ENKUR: variants seen among roughly 807,000 people sequenced by gnomAD.
ENKUR encodes enkurin.
ENKUR carries 19 observed loss-of-function variants against 27.6 expected under a neutral mutation model. The observed-to-expected ratio is 0.69, with a 90% CI of 0.48 to 1.01. ENKUR has a LOEUF of 1.01. Among genes scored for constraint, ENKUR ranks in the 50% least tolerant of loss-of-function variants. The pLI is 0.00. For missense variants in ENKUR, 312 were observed against 310.5 expected, an observed-to-expected ratio of 1.00 and a Z score of -0.04; for synonymous variants, 117 against 96.9, an observed-to-expected ratio of 1.21 and a Z score of -1.22.
intron 2 of ENKUR, chr10:25,024,093 AAG>A: frequency 6.2e-7 from 1 of 1,614,196 alleles, no homozygotes; most frequent in Non-Finnish European, 8.5e-7. Context: ...CCTACGTAGA[AAG>A]AGCACAGATA....
intron 2 of ENKUR, among the ~76,000 whole-genome samples, chr10:25,041,771 A>G (rs1851066942): frequency 6.6e-6 from 1 of 151,604 alleles, no homozygotes; most frequent in African/African-American, 2.4e-5. Flanking sequence ...CATTGTTTTT[A>G]TTTGTCTGCT....
At chr10:25,048,228 C>T (rs563442854) in intron 2 of ENKUR, among the ~76,000 whole-genome samples, 41 of 151,996 alleles carry the variant, frequency 2.7e-4, no homozygotes, top group African/African-American at 9.4e-4. Flanking sequence ...AAGGGAGGAG[C>T]CGAGAGAATA....
At chr10:24,987,079 A>G (rs1456105041) in intron 4 of ENKUR, among the ~76,000 whole-genome samples, 1 of 152,194 alleles carries the variant, frequency 6.6e-6, no homozygotes. Flanking sequence ...GTTCAGCCAC[A>G]GAAGGCCCTG....
At chr10:25,061,321 C>T (rs1851325306) in exon 2 of ENKUR, 1 of 634,414 alleles carries the variant, frequency 1.6e-6, no homozygotes, top group African/African-American at 1.8e-5. Flanking sequence ...CCTCCAGCCG[C>T]CTGCTCTGTT....
intron 3 of ENKUR, among the ~76,000 whole-genome samples, chr10:24,990,934 T>C (rs1199858930): frequency 6.6e-6 from 1 of 152,156 alleles, no homozygotes; most frequent in Non-Finnish European, 1.5e-5. Context: ...ACCCCGTCTC[T>C]ACTAAAAATA....
upstream of ENKUR, among the ~76,000 whole-genome samples, chr10:25,020,421 A>G (rs1299343624): frequency 1.3e-5 from 2 of 152,168 alleles, no homozygotes; most frequent in Non-Finnish European, 2.9e-5. Context: ...TCTACTTTTA[A>G]TGAAGTTGAT....
chr10:25,024,648 A>C (rs1850804891), intron 2 of ENKUR: 1 of 1,614,202 alleles, frequency 6.2e-7, no homozygotes, highest in Non-Finnish European at 8.5e-7. Flanking sequence ...ACTGGGGCCG[A>C]CTACTTCCGC....
chr10:24,995,816 C>G lies in ENKUR; in HGVS notation c.277G>C (p.Asp93His). 1.2e-6 allele frequency: 2 copies of G among 1,613,968 alleles called. No homozygotes were observed. The highest frequency in any genetic ancestry group is 1.7e-6 in the Non-Finnish European group (2 of 1,180,000). Residue 93 changes from aspartate (D) to histidine (H), a missense_variant, in exon 3 of 6, where the codon GAT becomes CAT. Physicochemically the swap from Asp to His is moderately conservative, Grantham distance 81. Coordinates refer to ENST00000331161, the MANE Select transcript of ENKUR (RefSeq NM_145010.4). ...CTCTGTATTCCCATGACAGGATGAT[C>G]AGTCTTCAATGGCACAGCAGGCTTT... ...PKKPAVPLKT[D>H]HPVMGIQSGK... is the part of the protein sequence containing the mutation.
intron 3 of ENKUR, among the ~76,000 whole-genome samples, chr10:24,994,891 G>A (rs1330180959): frequency 6.6e-6 from 1 of 151,932 alleles, no homozygotes; most frequent in Non-Finnish European, 1.5e-5. Flanking sequence ...GCCTGGTGAT[G>A]CATGCCTGTA....
intron 4 of ENKUR, among the ~76,000 whole-genome samples, chr10:24,990,035 G>A (rs555994263): frequency 6.6e-5 from 10 of 152,058 alleles, no homozygotes; most frequent in Admixed American, 3.3e-4. Flanking sequence ...TGCCTTATAG[G>A]AAAGGAAAAA....
intron 2 of ENKUR, among the ~76,000 whole-genome samples, chr10:25,039,903 C>T (rs1433580752): frequency 7.0e-6 from 1 of 143,158 alleles, no homozygotes; most frequent in East Asian, 2.0e-4. Context: ...ACATATGTAA[C>T]AAACCTGCAC....
intron 1 of ENKUR, among the ~76,000 whole-genome samples, chr10:25,009,855 T>A (rs1159477436): frequency 6.6e-6 from 1 of 152,168 alleles, no homozygotes; most frequent in Non-Finnish European, 1.5e-5. Context: ...CTCCTTCACC[T>A]TCTCCCATGA....
intron 1 of ENKUR, among the ~76,000 whole-genome samples, chr10:25,013,899 G>A (rs1850506090): frequency 6.6e-6 from 1 of 151,904 alleles, no homozygotes; most frequent in South Asian, 2.1e-4. Flanking sequence ...CCAAGATGGC[G>A]CCATTGCACT....
upstream of ENKUR, among the ~76,000 whole-genome samples, chr10:25,019,233 G>T (rs1305139675): frequency 3.3e-5 from 5 of 152,178 alleles, no homozygotes; most frequent in Non-Finnish European, 7.4e-5. Context: ...AGCACTTTTT[G>T]AAGGCCAAGG....
At chr10:25,023,314 C>T (rs140689466) in intron 2 of ENKUR, 49 of 1,613,958 alleles carry the variant, frequency 3.0e-5, no homozygotes, top group African/African-American at 8.0e-5. Flanking sequence ...ACATGCACAG[C>T]GATTTCTTTC....
intron 3 of ENKUR, among the ~76,000 whole-genome samples, chr10:24,993,665 T>G (rs992266924): frequency 6.6e-6 from 1 of 152,236 alleles, no homozygotes; most frequent in Non-Finnish European, 1.5e-5. Context: ...AAAAGTAAAT[T>G]GAGTAAGTCT....
At position 25,015,974 on chromosome 10, in the gene ENKUR, C is replaced by T; in HGVS notation, c.-38G>A. On this transcript the variant is annotated 5_prime_UTR_variant, in exon 1 of 6. Coordinates refer to ENST00000331161, the MANE Select transcript of ENKUR (RefSeq NM_145010.4). ...ACTCCTTAAAAGCTACTCTCCACAA[C>T]TTTTTTCTCCCTGTCCCAGTATCTC... The T allele has an allele frequency of 1.3e-6, 2 of 1,587,524 alleles. No homozygotes were observed. Among genetic ancestry groups the T allele is most frequent in the Non-Finnish European group, 1.7e-6 (2 of 1,168,112 alleles).
intron 1 of ENKUR, among the ~76,000 whole-genome samples, chr10:25,001,510 C>G (rs902535152): frequency 6.6e-6 from 1 of 152,006 alleles, no homozygotes; most frequent in African/African-American, 2.4e-5. Context: ...GATTCTTTGA[C>G]TGCTTGATAT....
chr10:25,034,289 C>T (rs772611312), intron 2 of ENKUR, among the ~76,000 whole-genome samples: 3 of 152,090 alleles, frequency 2.0e-5, no homozygotes, highest in African/African-American at 4.8e-5. Context: ...CATGGTATTA[C>T]CTTTCTAAAA....
Sources: allele counts gnomAD v4.1 joint callset (sites outside exome capture counted in the v4.1 genomes callset), GRCh38; gene constraint gnomAD v4.1.1; transcripts MANE v1.5; gene names NCBI Gene and HGNC (gene_info 2026-07-23, HGNC 2026-07-21).